CACNA1H: variants seen among roughly 807,000 people sequenced by gnomAD.
CACNA1H encodes the protein calcium voltage-gated channel subunit alpha1 H, also known as voltage-dependent T-type calcium channel subunit alpha-1H.
Under a neutral mutation model 192.5 loss-of-function variants are expected in CACNA1H, and 149 were observed. The ratio of observed to expected loss-of-function variants is 0.77; its 90% confidence interval spans 0.68 to 0.89. The LOEUF (loss-of-function observed/expected upper bound fraction) is 0.89. Ranked by LOEUF, CACNA1H falls within the 40% of genes least tolerant of loss-of-function variation. CACNA1H has a pLI of 0.00. For synonymous variants in CACNA1H, 2,202 were observed against 1,475.2 expected (o/e 1.49, Z -11.29); for missense variants, 4,257 against 3,423.5 (o/e 1.24, Z -6.08).
Position 1,204,237 on chromosome 16 carries a change from C to G in CACNA1H, c.2230C>G (p.Arg744Gly). 6.2e-7 allele frequency: 1 copy of G among 1,610,882 alleles called. No homozygotes were observed. The highest frequency in any genetic ancestry group is 8.5e-7 in the Non-Finnish European group (1 of 1,179,070). ...VRHGDRWDPT[R>G]PPRATDTPGP... ...GCACGGTGACCGCTGGGACCCCACG[C>G]GACCACCCCGTGCGACGGACACACC... Residue 744 changes from arginine (R) to glycine (G), a missense_variant, in exon 10 of 35, where the codon CGA (arginine) becomes GGA (glycine). Coordinates refer to ENST00000348261, the MANE Select transcript of CACNA1H (RefSeq NM_021098.3).
At chr16:1,179,617 C>T (rs369067959) in intron 2 of CACNA1H, among the ~76,000 whole-genome samples, 7 of 151,102 alleles carry the variant, frequency 4.6e-5, no homozygotes, top group East Asian at 2.0e-4. Context: ...TTAGTAGAGA[C>T]GGGATTTTAT....
chr16:1,203,159 T>G (rs1164693966), intron 9 of CACNA1H, among the ~76,000 whole-genome samples: 1 of 152,090 alleles, frequency 6.6e-6, no homozygotes, highest in African/African-American at 2.4e-5. Flanking sequence ...ACCCAGGGCG[T>G]GCAGACGAGT....
rs143900018 is a variant in CACNA1H at position 1,219,978 on chromosome 16, C to T, written c.6049-3C>T. 67 of 1,305,706 alleles carry T rather than the reference C, an allele frequency of 5.1e-5. No individual in the cohort carries two copies. In the African/African-American group the frequency reaches 7.8e-4, roughly 15 times the overall value. 80.9% of individuals were successfully genotyped at this position (1,305,706 alleles called of 1,614,324 possible). A position where few individuals can be genotyped will look rare whatever the true frequency, so the allele number is the denominator to read the frequency against. On this transcript the variant is annotated splice_polypyrimidine_tract_variant and splice_region_variant and intron_variant, in intron 34 of 34. Transcript: ENST00000348261. ...CCCTCACTTTGACTCTACGCCCCCA[C>T]AGGAGGCTGTGCACACCGATTCCTT... is the stretch of plus-strand genomic sequence containing the variant.
Position 1,158,340 on chromosome 16 carries a change from G to A in CACNA1H, c.299+4304G>A, listed in dbSNP as rs533091173. Among the ~76,000 whole-genome samples, 490 of 152,214 alleles carry A rather than the reference G, an allele frequency of 3.2e-3. 4 individuals are homozygous for A. The highest frequency in any genetic ancestry group is 0.014 in the South Asian group (69 of 4,822). ...GGGGGCAGCTCATCCTTCCTGGGGC[G>A]ATGGGAAGAGAGGCCCCCGGGGGTG... On this transcript the variant is annotated intron_variant, in intron 2 of 34. Coordinates refer to ENST00000348261, the MANE Select transcript of CACNA1H (RefSeq NM_021098.3).
chr16:1,178,949 G>T (rs543888761), intron 2 of CACNA1H, among the ~76,000 whole-genome samples: 1 of 152,320 alleles, frequency 6.6e-6, no homozygotes, highest in East Asian at 1.9e-4. Flanking sequence ...TCCCCAGCAG[G>T]CTGGCCCCGT....
Position 1,167,874 on chromosome 16 carries a change from C to A in CACNA1H, c.299+13838C>A, listed in dbSNP as rs1024404103. On this transcript the variant is annotated intron_variant, in intron 2 of 34. Coordinates refer to ENST00000348261, the MANE Select transcript of CACNA1H (RefSeq NM_021098.3). This position sits in a 1 kb window ranked among gnomAD's most constrained non-coding sequence, Gnocchi z 4.2. ...CGTCCGTCCGCGGGGCCCGGGCTGC[C>A]CATGGCAGCAGGTGCTCAGTAAGCA... Among the ~76,000 whole-genome samples the A allele has an allele frequency of 6.6e-6, 1 of 152,166 alleles. No homozygotes were observed. The highest frequency in any genetic ancestry group is 1.5e-5 in the Non-Finnish European group (1 of 68,016).
At chr16:1,198,972 G>GCAGTCAC in intron 6 of CACNA1H, 198 bp downstream of exon 6, 1 of 544,180 alleles carries the variant, frequency 1.8e-6, no homozygotes, top group Non-Finnish European at 3.2e-6. Context: ...CGCCCAGCTG[G>GCAGTCAC]CAGTCACCGC....
chr16:1,197,599 C>G (rs1056708425), intron 5 of CACNA1H, among the ~76,000 whole-genome samples: 1 of 152,234 alleles, frequency 6.6e-6, no homozygotes. Flanking sequence ...TCCACTCTGA[C>G]CTCTGGGTCA....
At chr16:1,208,346 A>G in intron 16 of CACNA1H, 125 bp downstream of exon 16, 1 of 710,224 alleles carries the variant, frequency 1.4e-6, no homozygotes, top group East Asian at 2.7e-5. Context: ...CAGCCTGTGC[A>G]GAGACTGAGA....
At chr16:1,172,377 C>A (rs1159838196) in intron 2 of CACNA1H, among the ~76,000 whole-genome samples, 1 of 152,154 alleles carries the variant, frequency 6.6e-6, no homozygotes, top group Admixed American at 6.5e-5. Context: ...CCTCTCACGC[C>A]GTCCCTAGGC....
chr16:1,164,051 C>T (rs1442793759), intron 2 of CACNA1H, among the ~76,000 whole-genome samples: 1 of 152,188 alleles, frequency 6.6e-6, no homozygotes, highest in African/African-American at 2.4e-5. Context: ...TGTGAGACTG[C>T]CTGGCCGCCG....
rs777207764 is a variant in CACNA1H, at chr16:1,215,488, G to A, written c.5174-35G>A. The A allele has an allele frequency of 3.0e-5, 48 of 1,603,696 alleles. 1 individual carries two copies. In the South Asian group the frequency reaches 3.9e-4, roughly 13 times the overall value. ...GGTCCCCGCGCAGCAGGGAGGGTCC[G>A]CCCAGCCCTGCTGACGCTCAGCTCC... is the stretch of plus-strand genomic sequence containing the variant. On this transcript the variant is annotated intron_variant, in intron 29 of 34. Transcript: ENST00000348261.
At chr16:1,177,244 C>G (rs1015632220) in intron 2 of CACNA1H, among the ~76,000 whole-genome samples, 1 of 152,238 alleles carries the variant, frequency 6.6e-6, no homozygotes, top group Non-Finnish European at 1.5e-5. Flanking sequence ...TGCTGTCCCC[C>G]AGGCCTCTCC....
At chr16:1,174,554 C>T (rs1472940508) in intron 2 of CACNA1H, among the ~76,000 whole-genome samples, 1 of 152,056 alleles carries the variant, frequency 6.6e-6, no homozygotes, top group African/African-American at 2.4e-5. Flanking sequence ...CACTGTAGCT[C>T]TCGAAGGGAA....
In CACNA1H at chr16:1,211,947, C is replaced by T; in HGVS notation, c.4568C>T (p.Pro1523Leu). Residue 1523 changes from proline (P) to leucine (L), a missense_variant and splice_region_variant, in exon 25 of 35, where the codon CCT becomes CTT. By Grantham distance (98) the Pro-to-Leu change is moderately conservative. Coordinates refer to ENST00000348261, the MANE Select transcript of CACNA1H (RefSeq NM_021098.3). ...GLDAVGVDQQ[P>L]VQNHNPWMLL... is the part of the protein sequence containing the mutation. ...GGACCCACCGCCTCTGTGCCACAGC[C>T]TGTGCAGAACCACAACCCCTGGATG... 2 of 1,613,350 alleles carry T rather than the reference C, an allele frequency of 1.2e-6. No homozygotes were observed. The highest frequency in any genetic ancestry group is 8.5e-7 in the Non-Finnish European group (1 of 1,179,664).
At chr16:1,169,603 G>A (rs987189468) in intron 2 of CACNA1H, among the ~76,000 whole-genome samples, 6 of 152,130 alleles carry the variant, frequency 3.9e-5, no homozygotes, top group Middle Eastern at 6.3e-3. Flanking sequence ...TTTCGCCTCC[G>A]CCCATCAGCC....
At chr16:1,177,370 A>AG (rs778538756) in intron 2 of CACNA1H, among the ~76,000 whole-genome samples, 16 of 152,160 alleles carry the variant, frequency 1.1e-4, no homozygotes, top group Non-Finnish European at 2.1e-4. Context: ...TTCAGGGCCG[A>AG]GGGCCCTCCT....
intron 16 of CACNA1H, among the ~76,000 whole-genome samples, chr16:1,208,772 G>T (rs969532765): frequency 6.6e-6 from 1 of 152,288 alleles, no homozygotes; most frequent in East Asian, 1.9e-4. Flanking sequence ...CCCACACTTT[G>T]TCTGGTCCTG....
chr16:1,185,231 G>A (rs1406030324), intron 2 of CACNA1H, among the ~76,000 whole-genome samples: 4 of 152,180 alleles, frequency 2.6e-5, no homozygotes, highest in Admixed American at 6.5e-5. Context: ...ACCAGACCAC[G>A]TTCCGTTTGT....
Sources: allele counts gnomAD v4.1 joint callset (sites outside exome capture counted in the v4.1 genomes callset), GRCh38; gene constraint gnomAD v4.1.1; non-coding constraint Gnocchi (gnomAD v3.1); transcripts MANE v1.5; gene names NCBI Gene and HGNC (gene_info 2026-07-23, HGNC 2026-07-21).